Variants in ATP8A2 observed in about 807,000 individuals in gnomAD.
ATP8A2 encodes phospholipid-transporting ATPase IB.
ATP8A2 carries 100 observed loss-of-function variants against 165.6 expected under a neutral mutation model. The ratio of observed to expected loss-of-function variants is 0.60; its 90% confidence interval spans 0.51 to 0.71. ATP8A2 has a LOEUF of 0.71. Among genes scored for constraint, ATP8A2 ranks in the 30% least tolerant of loss-of-function variants. The pLI, the probability that ATP8A2 is intolerant of heterozygous loss-of-function variation, is 0.00. For missense variants in ATP8A2, 1,227 were observed against 1,479.5 expected (o/e 0.83, Z 2.80); for synonymous variants, 543 against 548.8 (o/e 0.99, Z 0.15).
chr13:25,852,131 C>T (rs1952023341), intron 30 of ATP8A2, among the ~76,000 whole-genome samples: 1 of 152,184 alleles, frequency 6.6e-6, no homozygotes. Flanking sequence ...AGTGTATGTT[C>T]TCTGTATTTA....
In ATP8A2 at chr13:25,519,384, T is replaced by A. The variant is rs545659311; in HGVS notation, c.222-10615T>A. ...GCTGTTATGTGTTCTATTTTTTTTT[T>A]AATCTCGTTTCTCCTCTAGAGTGCA... On this transcript the variant is annotated intron_variant, in intron 2 of 36. Coordinates refer to ENST00000381655, the MANE Select transcript of ATP8A2 (RefSeq NM_016529.6). 9.9e-5 allele frequency among the ~76,000 whole-genome samples: 15 copies of A among 152,228 alleles called. No individual in the cohort carries two copies. The South Asian group carries it at 1.7e-3, about 17-fold the overall frequency.
At chr13:25,852,265 T>C (rs1157230584) in intron 30 of ATP8A2, among the ~76,000 whole-genome samples, 1 of 152,176 alleles carries the variant, frequency 6.6e-6, no homozygotes, top group Non-Finnish European at 1.5e-5. Context: ...GGATGGGTGC[T>C]ACTGGCATCT....
chr13:25,531,421 A>AT (rs373705666), intron 4 of ATP8A2, among the ~76,000 whole-genome samples: 744 of 30,176 alleles, frequency 0.025, 23 homozygotes, highest in African/African-American at 0.11. Context: ...TATATATATG[A>AT]TATATATATG....
chr13:25,568,952 C>A (rs2039393579), intron 16 of ATP8A2, among the ~76,000 whole-genome samples: 1 of 152,044 alleles, frequency 6.6e-6, no homozygotes, highest in African/African-American at 2.4e-5. Flanking sequence ...TAAAAAAAAT[C>A]TTCATGGATT....
chr13:25,504,161 C>G (rs1319199609), intron 2 of ATP8A2, among the ~76,000 whole-genome samples: 1 of 152,188 alleles, frequency 6.6e-6, no homozygotes, highest in East Asian at 1.9e-4. Context: ...TGCTCCACTA[C>G]CCTGCTACCT....
chr13:25,594,774 G>T (rs2138329771), intron 24 of ATP8A2, among the ~76,000 whole-genome samples: 1 of 152,238 alleles, frequency 6.6e-6, no homozygotes, highest in Non-Finnish European at 1.5e-5. Context: ...AAACAGTGTG[G>T]AGTGTCCTTA....
At chr13:25,454,656 GCTCA>G (rs2035315775) in intron 1 of ATP8A2, among the ~76,000 whole-genome samples, 1 of 152,196 alleles carries the variant, frequency 6.6e-6, no homozygotes, top group Non-Finnish European at 1.5e-5. Flanking sequence ...GGGCGCGGTG[GCTCA>G]CGCCTGTAAT....
At chr13:25,933,142 A>C (rs1275716077) in intron 33 of ATP8A2, among the ~76,000 whole-genome samples, 6 of 152,228 alleles carry the variant, frequency 3.9e-5, no homozygotes, top group South Asian at 2.1e-4. Context: ...GGCATGAGCC[A>C]CTGCACCTGC....
intron 35 of ATP8A2, among the ~76,000 whole-genome samples, chr13:25,998,286 T>C (rs1394015840): frequency 2.0e-5 from 3 of 152,186 alleles, no homozygotes; most frequent in Non-Finnish European, 1.5e-5. Context: ...GGGGTCCTTA[T>C]TGGCTGGCAG....
rs1367390084 is a variant in ATP8A2 at position 25,399,536 on chromosome 13, C to T, written c.76+27248C>T. Among the ~76,000 whole-genome samples the T allele has an allele frequency of 3.6e-5, 4 of 109,896 alleles. No homozygotes were observed. In the East Asian group the frequency reaches 1.0e-3, roughly 29 times the overall value. 72.1% of individuals were successfully genotyped at this position (109,896 alleles called of 152,430 possible). ...GCCTCAGCCTCCCAAGTAGCTGGGA[C>T]TACAGGAGCCCGCCACCACGCCCGG... is the stretch of plus-strand genomic sequence containing the variant. On this transcript the variant is annotated intron_variant, in intron 1 of 36. Transcript: ENST00000381655.
At chr13:25,944,281 C>T (rs1016176555) in intron 33 of ATP8A2, among the ~76,000 whole-genome samples, 16 of 152,208 alleles carry the variant, frequency 1.1e-4, no homozygotes, top group Admixed American at 9.2e-4. Flanking sequence ...CTGAGGTGGG[C>T]GGATCACCTG....
intron 6 of ATP8A2, among the ~76,000 whole-genome samples, chr13:25,535,982 A>C (rs2137954681): frequency 6.6e-6 from 1 of 152,284 alleles, no homozygotes; most frequent in South Asian, 2.1e-4. Flanking sequence ...TCCCACTTTG[A>C]ATTTAAAAAA....
In ATP8A2 at chr13:25,992,237, T is replaced by A. The variant is rs868831532; in HGVS notation, c.3378-20294T>A. 3.9e-3 allele frequency among the ~76,000 whole-genome samples: 582 copies of A among 149,462 alleles called. 4 individuals carry two copies. The highest frequency in any genetic ancestry group is 0.013 in the African/African-American group (542 of 40,302). On this transcript the variant is annotated intron_variant, in intron 35 of 36. Transcript: ENST00000381655. ...GCTGTCCTTTTTTTTTTTTTTTTTT[T>A]AATTTTAGCCATAGGGATTGCTGCT...
chr13:25,485,127 C>T (rs2057561), intron 2 of ATP8A2, among the ~76,000 whole-genome samples: 43,960 of 152,136 alleles, frequency 0.29, 7,973 homozygotes, highest in East Asian at 0.88. Context: ...CACATAATGA[C>T]GATGCCGTGG....
intron 30 of ATP8A2, among the ~76,000 whole-genome samples, chr13:25,854,495 A>T (rs925136283): frequency 9.2e-5 from 14 of 152,172 alleles, no homozygotes; most frequent in African/African-American, 2.6e-4. Context: ...GCTAGTTTTT[A>T]AAAAATTTGT....
intron 10 of ATP8A2, among the ~76,000 whole-genome samples, chr13:25,544,910 G>GT (rs5802339): frequency 0.42 from 57,020 of 136,110 alleles, 12,229 homozygotes; most frequent in Middle Eastern, 0.5. Context: ...TTATGAGTGA[G>GT]TTTTTTTTTT....
At chr13:25,942,336 A>G (rs1040859784) in intron 33 of ATP8A2, among the ~76,000 whole-genome samples, 1 of 152,230 alleles carries the variant, frequency 6.6e-6, no homozygotes, top group Non-Finnish European at 1.5e-5. Context: ...GCACATTGCA[A>G]ATTTCTCAGT....
chr13:25,497,677 G>A (rs2036719433), intron 2 of ATP8A2, among the ~76,000 whole-genome samples: 2 of 152,088 alleles, frequency 1.3e-5, no homozygotes, highest in African/African-American at 4.8e-5. Context: ...TTTCAGCCGG[G>A]CACGGTGGCT....
intron 29 of ATP8A2, among the ~76,000 whole-genome samples, chr13:25,838,949 G>A (rs888294561): frequency 1.3e-5 from 2 of 152,008 alleles, no homozygotes; most frequent in African/African-American, 4.8e-5. Flanking sequence ...TCTTTTTTCT[G>A]ACCTTTAAAC....
Sources: allele counts gnomAD v4.1 joint callset (sites outside exome capture counted in the v4.1 genomes callset), GRCh38; gene constraint gnomAD v4.1.1; transcripts MANE v1.5; gene names NCBI Gene and HGNC (gene_info 2026-07-23, HGNC 2026-07-21).